TYW1: variants seen among roughly 807,000 people sequenced by gnomAD.
The protein encoded by TYW1 is S-adenosyl-L-methionine-dependent tRNA 4-demethylwyosine synthase TYW1.
Under a neutral mutation model 96.2 loss-of-function variants are expected in TYW1, and 46 were observed. The ratio of observed to expected loss-of-function variants is 0.48; its 90% CI spans 0.38 to 0.61. TYW1 has a LOEUF of 0.61. Among genes scored for constraint, TYW1 ranks in the 20% least tolerant of loss-of-function variants. The pLI, the probability that TYW1 is intolerant of heterozygous loss-of-function variation, is 0.00. For synonymous variants in TYW1, 274 were observed against 323.0 expected (o/e 0.85, Z 1.63); for missense variants, 684 against 909.6 (o/e 0.75, Z 3.19).
intron 9 of TYW1, among the ~76,000 whole-genome samples, chr7:67,064,928 A>G (rs62466642): frequency 0.04 from 6,096 of 152,362 alleles, 182 homozygotes; most frequent in Middle Eastern, 0.1. Flanking sequence ...CACACCTTAT[A>G]TAAAAATTAA....
intron 11 of TYW1, among the ~76,000 whole-genome samples, chr7:67,088,712 T>C (rs900339494): frequency 1.3e-5 from 2 of 151,966 alleles, no homozygotes; most frequent in African/African-American, 4.8e-5. Context: ...TACAGGCACA[T>C]GCTACCAAAC....
chr7:67,089,758 A>G lies in TYW1; in HGVS notation c.1384+6219A>G, dbSNP rs928478424. On this transcript the variant is annotated intron_variant, in intron 11 of 15. Transcript: ENST00000359626. ...GTCTTTTCAGTTATTTCACTGAGTT[A>G]TAAAAATATCTTTCTTTTCCTGACC... Among the ~76,000 whole-genome samples the G allele has an allele frequency of 1.4e-3, 206 of 152,306 alleles. 2 individuals carry two copies. The highest frequency in any genetic ancestry group is 4.1e-4 in the Non-Finnish European group (28 of 68,032).
intron 4 of TYW1, among the ~76,000 whole-genome samples, chr7:67,014,157 T>C (rs1793925239): frequency 6.6e-6 from 1 of 152,216 alleles, no homozygotes; most frequent in South Asian, 2.1e-4. Flanking sequence ...CCAGGAGGTA[T>C]ACTGGCAGGA....
intron 9 of TYW1, among the ~76,000 whole-genome samples, chr7:67,065,565 T>G (rs975358319): frequency 8.5e-5 from 13 of 152,174 alleles, no homozygotes; most frequent in African/African-American, 3.1e-4. Context: ...TATTAGGAAC[T>G]TGGAAGAGGT....
At chr7:67,183,257 G>C (rs547114863) in intron 14 of TYW1, 21 bp downstream of exon 14, 3 of 1,581,784 alleles carry the variant, frequency 1.9e-6, no homozygotes, top group Admixed American at 1.8e-5. Context: ...GCTGACTCTG[G>C]TGGCTGTGGT....
At chr7:67,178,979 C>T (rs1429744288) in intron 13 of TYW1, among the ~76,000 whole-genome samples, 1 of 139,122 alleles carries the variant, frequency 7.2e-6, no homozygotes, top group Non-Finnish European at 1.6e-5. Context: ...CGGGGCTTAG[C>T]TTGGGAGGAT....
chr7:67,003,862 GC>G (rs1328821307), intron 3 of TYW1, among the ~76,000 whole-genome samples: 1 of 151,872 alleles, frequency 6.6e-6, no homozygotes, highest in Non-Finnish European at 1.5e-5. Context: ...GGCCAACATG[GC>G]AAAACCCCAT....
intron 6 of TYW1, among the ~76,000 whole-genome samples, chr7:67,019,052 A>G (rs146124032): frequency 0.026 from 741 of 28,820 alleles, 7 homozygotes; most frequent in African/African-American, 0.053. Flanking sequence ...AACGTTTTCA[A>G]TTGCTTTACC....
intron 15 of TYW1, among the ~76,000 whole-genome samples, chr7:67,220,494 C>T (rs12537954): frequency 0.04 from 6,110 of 152,092 alleles, 179 homozygotes; most frequent in Middle Eastern, 0.092. Context: ...TAAGCCACCA[C>T]GCCTGGCCTC....
At chr7:67,005,764 C>T (rs1305209565) in intron 3 of TYW1, among the ~76,000 whole-genome samples, 2 of 152,198 alleles carry the variant, frequency 1.3e-5, no homozygotes, top group African/African-American at 4.8e-5. Flanking sequence ...CACGTCATCC[C>T]TCTGCTTAAA....
intron 13 of TYW1, among the ~76,000 whole-genome samples, chr7:67,162,572 G>A (rs538335881): frequency 6.6e-6 from 1 of 152,118 alleles, no homozygotes. Flanking sequence ...TAATTTGGCT[G>A]TCTTAAATAT....
At chr7:67,122,649 G>A (rs570189814) in intron 13 of TYW1, among the ~76,000 whole-genome samples, 4 of 152,072 alleles carry the variant, frequency 2.6e-5, no homozygotes, top group Admixed American at 1.3e-4. Context: ...GTTTAACATC[G>A]TGTCATAAGT....
At chr7:67,022,408 T>C (rs1794308570) in intron 6 of TYW1, among the ~76,000 whole-genome samples, 1 of 152,148 alleles carries the variant, frequency 6.6e-6, no homozygotes, top group South Asian at 2.1e-4. Flanking sequence ...CAGGATAACA[T>C]GGTGAGATTG....
Sources: allele counts gnomAD v4.1 joint callset (sites outside exome capture counted in the v4.1 genomes callset), GRCh38; gene constraint gnomAD v4.1.1; transcripts MANE v1.5; gene names NCBI Gene and HGNC (gene_info 2026-07-23, HGNC 2026-07-21).